TIMP2: variants seen among roughly 807,000 people sequenced by gnomAD.
TIMP2 encodes the protein TIMP metallopeptidase inhibitor 2, also known as metalloproteinase inhibitor 2.
A neutral mutation model predicts 24.3 loss-of-function variants in TIMP2; 5 were observed. The observed-to-expected ratio is 0.21, with a 90% CI of 0.11 to 0.43. The LOEUF (loss-of-function observed/expected upper bound fraction) is 0.43. Among genes scored for constraint, TIMP2 ranks in the 20% least tolerant of loss-of-function variants. The pLI is 1.00. For missense variants in TIMP2, 221 were observed against 297.5 expected (o/e 0.74, Z 1.89); for synonymous variants, 130 against 123.2 (o/e 1.06, Z -0.37).
chr17:78,892,129 G>A lies in TIMP2; in HGVS notation c.131-18210C>T, dbSNP rs59618901. 2.5e-3 allele frequency: 3,843 copies of A among 1,550,974 alleles called. 51 individuals carry two copies. In the African/African-American group the frequency reaches 0.041, roughly 17 times the overall value. Reference sequence around the variant, plus strand: ...ACTGCAGCCTGTCCAGGCCACCGACGTGCAGGTGCTGTGCCTCCTGATACC... The same window carrying A: ...ACTGCAGCCTGTCCAGGCCACCGACATGCAGGTGCTGTGCCTCCTGATACC... On this transcript the variant is annotated intron_variant, in intron 1 of 4. Coordinates refer to ENST00000262768, the MANE Select transcript of TIMP2 (RefSeq NM_003255.5).
chr17:78,859,877 A>G (rs2069554344), intron 3 of TIMP2, among the ~76,000 whole-genome samples: 1 of 152,044 alleles, frequency 6.6e-6, no homozygotes, highest in Non-Finnish European at 1.5e-5. Context: ...CTGTAATCCC[A>G]GCTACTCGGG....
chr17:78,922,035 C>G (rs1043547464), intron 1 of TIMP2, among the ~76,000 whole-genome samples: 3 of 152,144 alleles, frequency 2.0e-5, no homozygotes, highest in African/African-American at 2.4e-5. Context: ...TCTGAGACCC[C>G]TGGGTCACAG....
chr17:78,879,623 T>C (rs2069760810), intron 1 of TIMP2, among the ~76,000 whole-genome samples: 1 of 152,106 alleles, frequency 6.6e-6, no homozygotes, highest in Non-Finnish European at 1.5e-5. Flanking sequence ...ATAAAGACTC[T>C]CGTTCTAACT....
intron 1 of TIMP2, chr17:78,897,485 G>C (rs1355166511): frequency 1.3e-5 from 2 of 152,282 alleles, no homozygotes; most frequent in African/African-American, 4.8e-5. Flanking sequence ...CCAACTACCA[G>C]GCTGTGTTGT....
chr17:78,908,510 A>G (rs1310634671), intron 1 of TIMP2, among the ~76,000 whole-genome samples: 1 of 152,154 alleles, frequency 6.6e-6, no homozygotes, highest in African/African-American at 2.4e-5. Context: ...TTAAATCCAA[A>G]GCTGTGAAAT....
At position 78,857,873 on chromosome 17, in the gene TIMP2, C is replaced by A. The variant is rs56896643; in HGVS notation, c.341-227G>T. Among the ~76,000 whole-genome samples the A allele has an allele frequency of 1.5e-3, 232 of 151,244 alleles. 1 individual carries two copies. Among genetic ancestry groups the A allele is most frequent in the African/African-American group, 5.5e-3 (227 of 41,224 alleles). ...TCTCTTGAGGCCAGGAGTTCAAGAC[C>A]AGCCTGGCCAACGTGATGAAACCCC... is the stretch of plus-strand genomic sequence containing the variant. On this transcript the variant is annotated intron_variant, in intron 3 of 4. Transcript: ENST00000262768.
At chr17:78,901,671 A>G (rs1002711043) in intron 1 of TIMP2, 2 of 712,838 alleles carry the variant, frequency 2.8e-6, no homozygotes, top group Admixed American at 2.0e-5. Flanking sequence ...TGGGTGCCTC[A>G]GTTTGCTCTT....
At chr17:78,882,777 G>A (rs1449150171) in intron 1 of TIMP2, among the ~76,000 whole-genome samples, 3 of 152,250 alleles carry the variant, frequency 2.0e-5, no homozygotes, top group Admixed American at 1.3e-4. Flanking sequence ...CTGCCCAGGG[G>A]CACGGGGCAA....
intron 2 of TIMP2, among the ~76,000 whole-genome samples, chr17:78,871,956 G>A (rs34818601): frequency 6.6e-6 from 1 of 151,636 alleles, no homozygotes; most frequent in African/African-American, 2.4e-5. Context: ...AGGGGCTTTT[G>A]TACCTCCACG....
chr17:78,897,873 G>C (rs989630624), intron 1 of TIMP2: 2 of 152,196 alleles, frequency 1.3e-5, no homozygotes, highest in African/African-American at 4.8e-5. Flanking sequence ...CTGCTGTGTC[G>C]GTTTTCCTGG....
At chr17:78,858,447 TA>T (rs1026027010) in intron 3 of TIMP2, among the ~76,000 whole-genome samples, 255 of 141,558 alleles carry the variant, frequency 1.8e-3, no homozygotes, top group Admixed American at 2.1e-3. Flanking sequence ...AGACTCAGTC[TA>T]AAAAAAAAAA....
chr17:78,922,724 C>T (rs1361172343), intron 1 of TIMP2, among the ~76,000 whole-genome samples: 1 of 152,052 alleles, frequency 6.6e-6, no homozygotes, highest in Non-Finnish European at 1.5e-5. Context: ...GAGGCTGAGG[C>T]AGGAGAATTG....
chr17:78,891,351 A>G lies in TIMP2; in HGVS notation c.131-17432T>C, dbSNP rs1372928258. 7 of 1,549,966 alleles carry G rather than the reference A, an allele frequency of 4.5e-6. No homozygotes were observed. Among genetic ancestry groups the G allele is most frequent in the Non-Finnish European group, 6.1e-6 (7 of 1,146,860 alleles). On this transcript the variant is annotated intron_variant, in intron 1 of 4. Coordinates refer to ENST00000262768, the MANE Select transcript of TIMP2 (RefSeq NM_003255.5). This position sits in a 1 kb window ranked among gnomAD's most constrained non-coding sequence, Gnocchi z 4.5. ...TTCCCTCTTGGGGTCCCAGCGCCAC[A>G]CTCTTGCATCTCTGAGAAGGCATGC...
chr17:78,879,157 C>T, intron 1 of TIMP2, among the ~76,000 whole-genome samples: 1 of 152,206 alleles, frequency 6.6e-6, no homozygotes, highest in East Asian at 1.9e-4. Flanking sequence ...GCAGGCCTTG[C>T]CTGGGAGGAG....
intron 1 of TIMP2, among the ~76,000 whole-genome samples, chr17:78,916,851 C>A (rs977610451): frequency 6.6e-6 from 1 of 152,188 alleles, no homozygotes. Context: ...ACCACAGCCA[C>A]CCTGGGCTCC....
chr17:78,917,251 C>CAAAAAAAATAAAAAAA (rs2070267320), intron 1 of TIMP2, among the ~76,000 whole-genome samples: 1 of 77,454 alleles, frequency 1.3e-5, no homozygotes, highest in Non-Finnish European at 2.3e-5. Context: ...GACTCCGTCT[C>CAAAAAAAATAAAAAAA]AAAAAAAAAA....
intron 3 of TIMP2, among the ~76,000 whole-genome samples, chr17:78,870,234 G>A (rs941960948): frequency 5.3e-5 from 8 of 151,998 alleles, no homozygotes; most frequent in African/African-American, 1.7e-4. Context: ...TGACCAACAC[G>A]GTAGAACCCC....
intron 1 of TIMP2, among the ~76,000 whole-genome samples, chr17:78,909,663 C>T (rs1185992376): frequency 6.6e-6 from 1 of 152,158 alleles, no homozygotes; most frequent in Non-Finnish European, 1.5e-5. Flanking sequence ...CAAACGTCCT[C>T]TGTACCTAGG....
chr17:78,883,528 CAG>C (rs1332261219), intron 1 of TIMP2, among the ~76,000 whole-genome samples: 1 of 152,188 alleles, frequency 6.6e-6, no homozygotes, highest in Non-Finnish European at 1.5e-5. Context: ...GGGTGCACAA[CAG>C]AGATCAGGGA....
Sources: allele counts gnomAD v4.1 joint callset (sites outside exome capture counted in the v4.1 genomes callset), GRCh38; gene constraint gnomAD v4.1.1; non-coding constraint Gnocchi (gnomAD v3.1); transcripts MANE v1.5; gene names NCBI Gene and HGNC (gene_info 2026-07-23, HGNC 2026-07-21).